The following ZFAND6 variants were observed in gnomAD, a reference collection of about 807,000 sequenced individuals.
The protein encoded by ZFAND6 is AN1-type zinc finger protein 6.
ZFAND6 carries 12 observed loss-of-function variants against 24.5 expected under a neutral mutation model. The observed-to-expected ratio is 0.49, with a 90% CI of 0.31 to 0.79. ZFAND6 has a LOEUF of 0.79. Among genes scored for constraint, ZFAND6 ranks in the 30% least tolerant of loss-of-function variants. The pLI is 0.04. For missense variants in ZFAND6, 207 were observed against 245.9 expected (o/e 0.84, Z 1.06); for synonymous variants, 92 against 81.5 (o/e 1.13, Z -0.69).
chr15:80,065,525 GT>G (rs1469022908), intron 1 of ZFAND6, among the ~76,000 whole-genome samples: 6 of 127,982 alleles, frequency 4.7e-5, no homozygotes, highest in African/African-American at 1.5e-4. Flanking sequence ...CTTCAAATTA[GT>G]TTTGGTTTTG....
intron 1 of ZFAND6, chr15:80,072,732 CTG>C (rs1446404817): frequency 3.9e-5 from 6 of 152,000 alleles, no homozygotes; most frequent in Admixed American, 6.6e-5. Flanking sequence ...GGTTTTGTCA[CTG>C]TTTTTATTTT....
At chr15:80,076,120 C>G (rs2037260384) in intron 1 of ZFAND6, among the ~76,000 whole-genome samples, 1 of 152,162 alleles carries the variant, frequency 6.6e-6, no homozygotes, top group South Asian at 2.1e-4. Context: ...CTTAACTCTT[C>G]TCTAGACTTC....
intron 1 of ZFAND6, among the ~76,000 whole-genome samples, chr15:80,069,070 C>T (rs917760129): frequency 1.2e-4 from 18 of 152,196 alleles, no homozygotes; most frequent in African/African-American, 4.3e-4. Context: ...CTTTCAGTAA[C>T]TATATAAAGA....
At chr15:80,087,493 G>A (rs1033871300) in intron 1 of ZFAND6, among the ~76,000 whole-genome samples, 1 of 152,068 alleles carries the variant, frequency 6.6e-6, no homozygotes, top group African/African-American at 2.4e-5. Context: ...CCTTTTCCCA[G>A]CACGTTTATT....
At chr15:80,099,913 G>A (rs1596262123) in intron 2 of ZFAND6, among the ~76,000 whole-genome samples, 1 of 152,196 alleles carries the variant, frequency 6.6e-6, no homozygotes, top group South Asian at 2.1e-4. Context: ...CACCTTGCGC[G>A]GCCGAATATG....
At position 80,122,748 on chromosome 15, in the gene ZFAND6, A is replaced by G. The variant is rs765930669; in HGVS notation, c.312A>G (p.Gln104=). The G allele has an allele frequency of 1.3e-5, 21 of 1,613,602 alleles. No individual in the cohort carries two copies. In the East Asian group the frequency reaches 2.5e-4, roughly 19 times the overall value. ...SLLSESVASS[Q]LDSTSVDKAV... ...TATCAGAATCTGTAGCATCTTCTCA[A>G]TTGGACAGTACATCTGTGGACAAAG... Residue 104 remains glutamine, a synonymous_variant, in exon 5 of 7, where the codon CAA becomes CAG. Transcript: ENST00000261749.
chr15:80,098,244 A>G (rs1354328909), intron 1 of ZFAND6, among the ~76,000 whole-genome samples, 172 bp from the exon 2 acceptor site: 5 of 152,224 alleles, frequency 3.3e-5, no homozygotes, highest in Non-Finnish European at 4.4e-5. Context: ...TTATATGCAT[A>G]TTGTTAATAA....
At chr15:80,111,309 T>C in intron 2 of ZFAND6, 1 of 336,890 alleles carries the variant, frequency 3.0e-6, no homozygotes, top group Admixed American at 3.8e-5. Context: ...TCTGCAGGTA[T>C]TGGTTCCAGG....
At chr15:80,074,174 A>G (rs2037135921) in intron 1 of ZFAND6, among the ~76,000 whole-genome samples, 1 of 151,946 alleles carries the variant, frequency 6.6e-6, no homozygotes, top group Admixed American at 6.6e-5. Flanking sequence ...CCTATTTTCA[A>G]CACCACTTTC....
intron 2 of ZFAND6, among the ~76,000 whole-genome samples, chr15:80,101,036 ATAC>A (rs2038999034): frequency 2.0e-5 from 3 of 152,244 alleles, no homozygotes; most frequent in Non-Finnish European, 4.4e-5. Context: ...GAGAGGAGGA[ATAC>A]TAGGTAGCAT....
chr15:80,099,750 G>A (rs2038936572), intron 2 of ZFAND6, among the ~76,000 whole-genome samples: 1 of 151,038 alleles, frequency 6.6e-6, no homozygotes, highest in South Asian at 2.1e-4. Context: ...CTGAGCAGCT[G>A]GGACTACAGG....
intron 6 of ZFAND6, among the ~76,000 whole-genome samples, chr15:80,135,076 A>AC (rs983200756): frequency 6.6e-6 from 1 of 152,174 alleles, no homozygotes; most frequent in Non-Finnish European, 1.5e-5. Context: ...ACCTCTGCTA[A>AC]CCCTGAGACA....
chr15:80,099,588 C>T (rs1240559177), intron 2 of ZFAND6, among the ~76,000 whole-genome samples: 1 of 143,976 alleles, frequency 6.9e-6, no homozygotes, highest in Non-Finnish European at 1.5e-5. Context: ...ATTTAGAAAA[C>T]GTGAAGAATA....
At chr15:80,066,704 C>T (rs893301580) in intron 1 of ZFAND6, among the ~76,000 whole-genome samples, 8 of 151,906 alleles carry the variant, frequency 5.3e-5, no homozygotes, top group Non-Finnish European at 1.0e-4. Context: ...CAAGACCAGC[C>T]TGGCCAACGT....
At chr15:80,068,835 T>TG (rs1437836949) in intron 1 of ZFAND6, among the ~76,000 whole-genome samples, 20 of 152,382 alleles carry the variant, frequency 1.3e-4, no homozygotes, top group African/African-American at 4.8e-4. Context: ...GAGACAGCAC[T>TG]GGTCTGACTC....
At chr15:80,119,797 G>T (rs1033515788) in intron 2 of ZFAND6, among the ~76,000 whole-genome samples, 3 of 152,134 alleles carry the variant, frequency 2.0e-5, no homozygotes, top group Non-Finnish European at 4.4e-5. Flanking sequence ...TTTCCAAAAA[G>T]ATTGAACCAA....
At position 80,064,627 on chromosome 15, in the gene ZFAND6, C is replaced by G. The variant is rs558665879; in HGVS notation, c.-181+4818C>G. Among the ~76,000 whole-genome samples the G allele has an allele frequency of 2.1e-3, 295 of 137,756 alleles. 1 individual carries two copies. The highest frequency in any genetic ancestry group is 7.6e-3 in the Middle Eastern group (2 of 262). 90.4% of individuals were successfully genotyped at this position (137,756 alleles called of 152,430 possible). On this transcript the variant is annotated intron_variant, in intron 1 of 6. Coordinates refer to ENST00000261749, the MANE Select transcript of ZFAND6 (RefSeq NM_019006.4). ...ATACATACACACACACACACACACACACGTATGTTTGGGTTTTTTAAAATG... is the reference window on the plus strand; with the variant it reads ...ATACATACACACACACACACACACAGACGTATGTTTGGGTTTTTTAAAATG...
At chr15:80,096,757 TTAGCCCAGTGTACATATAGGGGAAAGGTA>T (rs996360683) in intron 1 of ZFAND6, among the ~76,000 whole-genome samples, 4 of 152,186 alleles carry the variant, frequency 2.6e-5, no homozygotes, top group African/African-American at 7.2e-5. Context: ...AATATACATA[TTAGCCCAGTGTACATATAGGGGAAAGGTA>T]TAGCCCAGTG....
chr15:80,104,386 G>A (rs2039202667), intron 2 of ZFAND6, among the ~76,000 whole-genome samples: 1 of 152,172 alleles, frequency 6.6e-6, no homozygotes, highest in Admixed American at 6.6e-5. Flanking sequence ...AGGTATGGTG[G>A]TGTGTGCCTG....
Sources: gnomAD v4.1 joint callset for allele counts (sites outside exome capture counted in the v4.1 genomes callset) on GRCh38, gnomAD v4.1.1 for gene constraint, MANE v1.5 for transcripts, NCBI Gene and HGNC (gene_info 2026-07-23, HGNC 2026-07-21) for gene names.